ARF3: variants seen among roughly 807,000 people sequenced by gnomAD.
ARF3 encodes the protein ARF GTPase 3, also known as ADP-ribosylation factor 3.
Under a neutral mutation model 19.3 loss-of-function variants are expected in ARF3, and 5 were observed. The observed-to-expected ratio is 0.26, with a 90% CI of 0.14 to 0.54. The LOEUF is 0.54. Ranked by LOEUF, ARF3 falls within the 20% of genes least tolerant of loss-of-function variation. The probability of loss-of-function intolerance (pLI) is 0.95; values close to 1 mark genes in which losing one functional copy is unlikely to be tolerated. For missense variants in ARF3, 77 were observed against 234.2 expected (o/e 0.33, Z 4.38); for synonymous variants, 71 against 89.2 (o/e 0.80, Z 1.15).
At chr12:48,948,493 C>T (rs1940400839) in intron 1 of ARF3, among the ~76,000 whole-genome samples, 1 of 151,950 alleles carries the variant, frequency 6.6e-6, no homozygotes, top group African/African-American at 2.4e-5. Context: ...TGACTTCAAA[C>T]GATCCTCCAG....
intron 1 of ARF3, among the ~76,000 whole-genome samples, chr12:48,948,162 G>A (rs544831110): frequency 2.6e-5 from 4 of 151,094 alleles, no homozygotes; most frequent in Non-Finnish European, 5.9e-5. Flanking sequence ...CCATGATCAC[G>A]CCACTGCACT....
At chr12:48,954,469 A>G (rs1165555053) in intron 1 of ARF3, among the ~76,000 whole-genome samples, 1 of 152,228 alleles carries the variant, frequency 6.6e-6, no homozygotes, top group Non-Finnish European at 1.5e-5. Flanking sequence ...TACTTACTAT[A>G]TGCTTTGTAC....
rs79463665 is a variant in ARF3 at position 48,938,087 on chromosome 12, A to G, written c.*860T>C. 228 of 299,496 alleles carry G rather than the reference A, an allele frequency of 7.6e-4. 1 individual carries two copies. Among genetic ancestry groups the G allele is most frequent in the African/African-American group, 4.7e-3 (217 of 46,256 alleles). The allele number at this position is 299,496 out of a possible 1,614,324, so 18.6% of individuals were successfully genotyped here. On this transcript the variant is annotated 3_prime_UTR_variant, in exon 5 of 5. Transcript: ENST00000256682. ...AGGATCAGTTGAACACTCTAAGCTG[A>G]TAAGAGTGAGTGGGTTCCTCTCTCC... is the stretch of plus-strand genomic sequence containing the variant.
intron 1 of ARF3, among the ~76,000 whole-genome samples, chr12:48,951,618 G>C (rs1282476877): frequency 6.8e-6 from 1 of 146,856 alleles, no homozygotes; most frequent in South Asian, 2.2e-4. Flanking sequence ...GGTGGCTCAT[G>C]CCTATAATCC....
At chr12:48,947,594 C>G (rs1219542745) in intron 1 of ARF3, among the ~76,000 whole-genome samples, 1 of 152,152 alleles carries the variant, frequency 6.6e-6, no homozygotes, top group Non-Finnish European at 1.5e-5. Flanking sequence ...GCGTGGGCCA[C>G]CGTGCCTGGC....
Position 48,939,685 on chromosome 12 carries a change from A to G in ARF3, c.354T>C (p.Asp118=). Residue 118 remains aspartate, a synonymous_variant, in exon 4 of 5, where the codon GAT becomes GAC. Transcript: ENST00000256682. This position sits in a 1 kb window ranked among gnomAD's most constrained non-coding sequence, Gnocchi z 4.8. ...TGTTTGCAAAGACAAGGAGTACAGC[A>G]TCCCGGAGCTCGTCCTCCGCCAGCA... ...MRMLAEDELR[D]AVLLVFANKQ... 1 of 1,614,234 alleles carries G rather than the reference A, an allele frequency of 6.2e-7. No individual in the cohort carries two copies. Among genetic ancestry groups the G allele is most frequent in the Non-Finnish European group, 8.5e-7 (1 of 1,180,044 alleles).
In ARF3 at chr12:48,939,327, C is replaced by T. The variant is rs1290265504; in HGVS notation, c.385-219G>A. Among the ~76,000 whole-genome samples, 3 of 152,074 alleles carry T rather than the reference C, an allele frequency of 2.0e-5. No individual in the cohort carries two copies. Among genetic ancestry groups the T allele is most frequent in the Admixed American group, 6.6e-5 (1 of 15,250 alleles). ...GTACTGAAGAATTGGAAACCAAATA[C>T]GAGGATGGTGGGGAAGCAAGAGACG... is the stretch of plus-strand genomic sequence containing the variant. On this transcript the variant is annotated intron_variant, in intron 4 of 4. Transcript: ENST00000256682. This position sits in a 1 kb window ranked among gnomAD's most constrained non-coding sequence, Gnocchi z 4.8.
rs764486313 is a variant in ARF3 at position 48,938,287 on chromosome 12, C to G, written c.*660G>C. The stretch of plus-strand genomic sequence containing the variant: ...ACCTACCTGCAGAGAGGAGGGTAAC[C>G]AGTCAAAGACTGGGGCAGTCCGGCT... On this transcript the variant is annotated 3_prime_UTR_variant, in exon 5 of 5. Transcript: ENST00000256682. 2.4e-6 allele frequency: 1 copy of G among 422,254 alleles called. No individual in the cohort carries two copies. The highest frequency in any genetic ancestry group is 4.8e-6 in the Non-Finnish European group (1 of 207,300). The allele number at this position is 422,254 out of a possible 1,614,324, so 26.2% of individuals were successfully genotyped here. A position where few individuals can be genotyped will look rare whatever the true frequency, so the allele number is the denominator to read the frequency against.
intron 1 of ARF3, among the ~76,000 whole-genome samples, chr12:48,944,604 A>G (rs1447852805): frequency 2.0e-5 from 3 of 152,254 alleles, no homozygotes; most frequent in East Asian, 1.9e-4. Flanking sequence ...TGGGAGTTCA[A>G]TTAAGCACAT....
intron 1 of ARF3, among the ~76,000 whole-genome samples, chr12:48,943,346 T>C (rs941865496): frequency 3.3e-5 from 5 of 152,112 alleles, no homozygotes; most frequent in East Asian, 1.9e-4. Flanking sequence ...GAATCACCCA[T>C]ACAAACCAGT....
intron 1 of ARF3, among the ~76,000 whole-genome samples, chr12:48,950,819 CTT>C (rs1332494950): frequency 2.0e-5 from 3 of 151,724 alleles, no homozygotes; most frequent in African/African-American, 2.4e-5. Context: ...AGTTTTTGCT[CTT>C]GTTGCCCAGG....
In ARF3 at chr12:48,938,463, T is replaced by A; in HGVS notation, c.*484A>T. 2.2e-6 allele frequency: 1 copy of A among 447,308 alleles called. No homozygotes were observed. The highest frequency in any genetic ancestry group is 4.5e-6 in the Non-Finnish European group (1 of 223,598). 27.7% of individuals were successfully genotyped at this position (447,308 alleles called of 1,614,324 possible). A position where few individuals can be genotyped will look rare whatever the true frequency, so the allele number is the denominator to read the frequency against. On this transcript the variant is annotated 3_prime_UTR_variant, in exon 5 of 5. Transcript: ENST00000256682. The stretch of plus-strand genomic sequence containing the variant: ...CGGCCCCCACAAATATATCTCTCTA[T>A]ACATGTATATACAGGCGCACACATG...
At chr12:48,945,355 G>A (rs1050460554) in intron 1 of ARF3, among the ~76,000 whole-genome samples, 3 of 152,022 alleles carry the variant, frequency 2.0e-5, no homozygotes, top group Non-Finnish European at 4.4e-5. Flanking sequence ...CAAGGCGGGC[G>A]GAACACGAGG....
In ARF3 at chr12:48,938,852, C is replaced by T; in HGVS notation, c.*95G>A. On this transcript the variant is annotated 3_prime_UTR_variant, in exon 5 of 5. Coordinates refer to ENST00000256682, the MANE Select transcript of ARF3 (RefSeq NM_001659.3). ...GTGGACATGATACCCAGGGCCCTGG[C>T]CACACTTGCATGGAGAGGAAGGGGT... is the stretch of plus-strand genomic sequence containing the variant. 1 of 1,500,804 alleles carries T rather than the reference C, an allele frequency of 6.7e-7. No individual in the cohort carries two copies. 93.0% of individuals were successfully genotyped at this position (1,500,804 alleles called of 1,614,324 possible). A position where few individuals can be genotyped will look rare whatever the true frequency, so the allele number is the denominator to read the frequency against.
rs1363238933 is a variant in ARF3, at chr12:48,941,496, T to C, written c.-93-308A>G. ...AGATGATTTCTGAAGTCCCTTCAGTTCTGACATTCTACCCTATACCCAAAG... is the reference window on the plus strand; with the variant it reads ...AGATGATTTCTGAAGTCCCTTCAGTCCTGACATTCTACCCTATACCCAAAG... On this transcript the variant is annotated intron_variant, in intron 1 of 4. Transcript: ENST00000256682. 3 of 158,600 alleles carry C rather than the reference T, an allele frequency of 1.9e-5. No individual in the cohort carries two copies. The Admixed American group carries it at 1.9e-4, about 10-fold the overall frequency. The allele number at this position is 158,600 out of a possible 1,614,324, so 9.8% of individuals were successfully genotyped here. A position where few individuals can be genotyped will look rare whatever the true frequency, so the allele number is the denominator to read the frequency against.
intron 1 of ARF3, among the ~76,000 whole-genome samples, chr12:48,951,278 G>C (rs890109849): frequency 6.6e-6 from 1 of 152,208 alleles, no homozygotes; most frequent in Non-Finnish European, 1.5e-5. Flanking sequence ...AAAGTAGTGG[G>C]AGCCAGGCGC....
At chr12:48,954,183 T>C (rs971505906) in intron 1 of ARF3, among the ~76,000 whole-genome samples, 9 of 152,202 alleles carry the variant, frequency 5.9e-5, no homozygotes, top group East Asian at 3.8e-4. Context: ...TACATCCAAA[T>C]TGATGGTTCA....
At chr12:48,956,328 T>TCCACCA (rs1465481142) in intron 1 of ARF3, 2 of 152,208 alleles carry the variant, frequency 1.3e-5, no homozygotes, top group Admixed American at 6.6e-5. Flanking sequence ...ATCCTCCACC[T>TCCACCA]CCACCACCAC....
rs1940135667 is a variant in ARF3 at position 48,935,959 on chromosome 12, G to A, written c.*2988C>T. On this transcript the variant is annotated 3_prime_UTR_variant, in exon 5 of 5. Transcript: ENST00000256682. The stretch of plus-strand genomic sequence containing the variant: ...TTTAGAACTAGAGGAGGAAAGTCAC[G>A]AAGCCCTCACACTCTGATGCCCAAT... The A allele has an allele frequency of 6.6e-6, 1 of 152,234 alleles. No homozygotes were observed. Among genetic ancestry groups the A allele is most frequent in the South Asian group, 2.1e-4 (1 of 4,834 alleles). 9.4% of individuals were successfully genotyped at this position (152,234 alleles called of 1,614,324 possible). A position where few individuals can be genotyped will look rare whatever the true frequency, so the allele number is the denominator to read the frequency against.
Sources: gnomAD v4.1 joint callset for allele counts (sites outside exome capture counted in the v4.1 genomes callset) on GRCh38, gnomAD v4.1.1 for gene constraint, Gnocchi (gnomAD v3.1) non-coding constraint, MANE v1.5 for transcripts, NCBI Gene and HGNC (gene_info 2026-07-23, HGNC 2026-07-21) for gene names.